The following NAA16 variants were observed in gnomAD, a reference collection of about 807,000 sequenced individuals.
The protein encoded by NAA16 is N-alpha-acetyltransferase 16, NatA auxiliary subunit, also known as NARG1-like protein.
In NAA16, 97 loss-of-function variants were observed where a neutral mutation model predicts 110.3. The observed-to-expected ratio is 0.88, with a 90% CI of 0.75 to 1.04. The LOEUF (loss-of-function observed/expected upper bound fraction) is 1.04. NAA16 is among the 50% of genes least tolerant of loss of function. The probability of loss-of-function intolerance (pLI) is 0.00; values close to 1 mark genes in which losing one functional copy is unlikely to be tolerated. For missense variants in NAA16, 1,017 were observed against 1,005.1 expected (o/e 1.01, Z -0.16); for synonymous variants, 372 against 330.6 (o/e 1.13, Z -1.36).
In NAA16 at chr13:41,316,941, A is replaced by G. The variant is rs766671756; in HGVS notation, c.139+11A>G. ...TTGCTGAACATGGAGGTATTGTCTC[A>G]TGTGAGAGATTGCTTTAGGGAAATC... On this transcript the variant is annotated intron_variant, in intron 2 of 19. Coordinates refer to ENST00000379406, the MANE Select transcript of NAA16 (RefSeq NM_024561.5). The G allele has an allele frequency of 4.4e-6, 7 of 1,579,520 alleles. No individual in the cohort carries two copies. In the Admixed American group the frequency reaches 1.0e-4, roughly 23 times the overall value.
chr13:41,328,937 G>A lies in NAA16; in HGVS notation c.811+94G>A, dbSNP rs1046721552. 8 of 1,077,804 alleles carry A rather than the reference G, an allele frequency of 7.4e-6. No homozygotes were observed. The African/African-American group carries it at 1.1e-4, about 15-fold the overall frequency. 66.8% of individuals were successfully genotyped at this position (1,077,804 alleles called of 1,614,324 possible). ...TAATACTTGGGAACAAATAATTTTA[G>A]CATTAGTACTCATTTTTCCATTTAG... On this transcript the variant is annotated intron_variant, in intron 7 of 19. Coordinates refer to ENST00000379406, the MANE Select transcript of NAA16 (RefSeq NM_024561.5).
intron 12 of NAA16, among the ~76,000 whole-genome samples, chr13:41,360,364 T>C (rs2139499123): frequency 6.6e-6 from 1 of 152,238 alleles, no homozygotes; most frequent in Middle Eastern, 3.4e-3. Flanking sequence ...ATTGAGAAGG[T>C]TTGCAACATT....
chr13:41,321,675 C>A lies in NAA16; in HGVS notation c.402+851C>A, dbSNP rs557456524. Among the ~76,000 whole-genome samples the A allele has an allele frequency of 2.6e-5, 4 of 152,292 alleles. No homozygotes were observed. In the East Asian group the frequency reaches 7.7e-4, roughly 29 times the overall value. On this transcript the variant is annotated intron_variant, in intron 4 of 19. Transcript: ENST00000379406. ...TAAATCAGTCTTTCTGTAGTTGAGA[C>A]CTCTTCAGATTTGCATCTTCAACTC...
intron 9 of NAA16, among the ~76,000 whole-genome samples, chr13:41,342,292 C>G (rs1397967612): frequency 6.6e-6 from 1 of 152,150 alleles, no homozygotes; most frequent in Non-Finnish European, 1.5e-5. Context: ...CGCACACTGC[C>G]ATGCCTGGCT....
rs1292256691 is a variant in NAA16, at chr13:41,375,683, C to T, written c.*81C>T. On this transcript the variant is annotated 3_prime_UTR_variant, in exon 20 of 20. Coordinates refer to ENST00000379406, the MANE Select transcript of NAA16 (RefSeq NM_024561.5). ...CTTTTCCAGGGTGCATTTTAATATA[C>T]GTATGAAATGAAATATTTGGTTAGG... The T allele has an allele frequency of 7.9e-6, 8 of 1,017,434 alleles. No homozygotes were observed. Among genetic ancestry groups the T allele is most frequent in the South Asian group, 3.7e-5 (2 of 53,654 alleles). The allele number at this position is 1,017,434 out of a possible 1,614,324, so 63.0% of individuals were successfully genotyped here.
intron 13 of NAA16, chr13:41,362,920 A>G: frequency 1.2e-5 from 13 of 1,127,194 alleles, no homozygotes; most frequent in Non-Finnish European, 1.4e-5. Flanking sequence ...CCTTTTTCCC[A>G]CGTGAAATTT....
chr13:41,349,335 A>G (rs972913972), intron 9 of NAA16, among the ~76,000 whole-genome samples: 1 of 151,878 alleles, frequency 6.6e-6, no homozygotes, highest in Non-Finnish European at 1.5e-5. Context: ...ACAGGCATGT[A>G]CCACCATGCC....
At chr13:41,327,384 C>G (rs1315752589) in intron 6 of NAA16, among the ~76,000 whole-genome samples, 1 of 150,772 alleles carries the variant, frequency 6.6e-6, no homozygotes, top group African/African-American at 2.4e-5. Context: ...TGCTGTTTCT[C>G]TTTTTTGGTA....
At chr13:41,369,584 A>G (rs1246591033) in intron 15 of NAA16, among the ~76,000 whole-genome samples, 2 of 152,186 alleles carry the variant, frequency 1.3e-5, no homozygotes, top group African/African-American at 4.8e-5. Context: ...GGGAGATGGA[A>G]TTTATGGTTG....
At chr13:41,342,689 C>T (rs914770225) in intron 9 of NAA16, among the ~76,000 whole-genome samples, 2 of 152,178 alleles carry the variant, frequency 1.3e-5, no homozygotes, top group African/African-American at 4.8e-5. Context: ...TGGTCTGAGT[C>T]ATAATGCCAA....
intron 12 of NAA16, among the ~76,000 whole-genome samples, chr13:41,361,448 G>C (rs191108396): frequency 2.0e-5 from 3 of 152,352 alleles, no homozygotes; most frequent in Admixed American, 1.3e-4. Context: ...AATAGCTTTT[G>C]CTTGAAAGGC....
chr13:41,326,434 G>A (rs891734052), intron 6 of NAA16, among the ~76,000 whole-genome samples: 3 of 152,134 alleles, frequency 2.0e-5, no homozygotes, highest in Admixed American at 2.0e-4. Flanking sequence ...CCATACAATT[G>A]TAGAACCTCT....
chr13:41,369,848 G>C (rs1376121714), intron 15 of NAA16, among the ~76,000 whole-genome samples: 1 of 152,192 alleles, frequency 6.6e-6, no homozygotes, highest in African/African-American at 2.4e-5. Context: ...ATGCAGTCCT[G>C]CTGACACCTT....
At chr13:41,364,656 C>A (rs1593522114) in intron 13 of NAA16, among the ~76,000 whole-genome samples, 1 of 151,582 alleles carries the variant, frequency 6.6e-6, no homozygotes, top group South Asian at 2.1e-4. Context: ...AGATATGAAA[C>A]AGGGCAACGA....
At chr13:41,367,318 C>T (rs1161100259) in intron 13 of NAA16, 121 bp from the exon 14 acceptor site, 5 of 640,846 alleles carry the variant, frequency 7.8e-6, no homozygotes, top group Non-Finnish European at 1.3e-5. Flanking sequence ...TTGGAGAGGG[C>T]AGCTAAGTGA....
At chr13:41,348,674 TCTC>T (rs891374487) in intron 9 of NAA16, among the ~76,000 whole-genome samples, 3 of 152,200 alleles carry the variant, frequency 2.0e-5, no homozygotes, top group African/African-American at 7.2e-5. Flanking sequence ...GGAAATGTTC[TCTC>T]CTCTTTTTTT....
At chr13:41,363,514 A>G (rs1215413139) in intron 13 of NAA16, among the ~76,000 whole-genome samples, 1 of 152,036 alleles carries the variant, frequency 6.6e-6, no homozygotes, top group African/African-American at 2.4e-5. Context: ...TGTTTTTTAA[A>G]ATTTTGAGAA....
chr13:41,312,179 T>C (rs1373024549), intron 1 of NAA16, among the ~76,000 whole-genome samples: 1 of 152,196 alleles, frequency 6.6e-6, no homozygotes, highest in Non-Finnish European at 1.5e-5. Context: ...ATTTACCTCT[T>C]TGGAAGTGAA....
At chr13:41,374,661 T>C in intron 18 of NAA16, 81 bp from the exon 19 acceptor site, 1 of 930,622 alleles carries the variant, frequency 1.1e-6, no homozygotes, top group Non-Finnish European at 1.7e-6. Flanking sequence ...TAAAACCATA[T>C]TTGAAGTCAC....
Sources: gnomAD v4.1 joint callset for allele counts (sites outside exome capture counted in the v4.1 genomes callset) on GRCh38, gnomAD v4.1.1 for gene constraint, MANE v1.5 for transcripts, NCBI Gene and HGNC (gene_info 2026-07-23, HGNC 2026-07-21) for gene names.